DMBT1: variants seen among roughly 807,000 people sequenced by gnomAD.
The protein encoded by DMBT1 is scavenger receptor cysteine-rich domain-containing protein DMBT1.
A neutral mutation model predicts 252.9 loss-of-function variants in DMBT1; 198 were observed. The observed-to-expected ratio is 0.78, with a 90% CI of 0.70 to 0.88. DMBT1 has a LOEUF of 0.88. Ranked by LOEUF, DMBT1 falls within the 40% of genes least tolerant of loss-of-function variation. DMBT1 has a pLI of 0.00. For synonymous variants in DMBT1, 990 were observed against 942.7 expected (o/e 1.05, Z -0.92); for missense variants, 2,432 against 2,404.7 (o/e 1.01, Z -0.24).
At chr10:122,585,442 G>A in intron 15 of DMBT1, 133 bp downstream of exon 15, 2 of 1,219,028 alleles carry the variant, frequency 1.6e-6, no homozygotes, top group South Asian at 1.5e-5. Context: ...ATGGGAGGAA[G>A]GTAGAGTCTC....
chr10:122,630,904 T>C (rs1301433454), intron 48 of DMBT1, 57 bp from the exon 49 acceptor site: 5 of 1,533,752 alleles, frequency 3.3e-6, no homozygotes, highest in Non-Finnish European at 4.4e-6. Flanking sequence ...TTGAGGTTTG[T>C]TGTGGGACAT....
chr10:122,591,935 C>T (rs1017867186), intron 19 of DMBT1, among the ~76,000 whole-genome samples: 1 of 149,116 alleles, frequency 6.7e-6, no homozygotes, highest in Non-Finnish European at 1.5e-5. Context: ...TGGGTGCCAC[C>T]AAACTCTTCG....
chr10:122,585,791 C>T (rs1430668291), intron 15 of DMBT1, among the ~76,000 whole-genome samples: 2 of 148,634 alleles, frequency 1.3e-5, no homozygotes, highest in Non-Finnish European at 1.5e-5. Flanking sequence ...TAGCTCCATC[C>T]TGTGTGTGCC....
chr10:122,618,622 A>T (rs976583528), intron 41 of DMBT1, among the ~76,000 whole-genome samples: 3 of 152,192 alleles, frequency 2.0e-5, no homozygotes, highest in Admixed American at 6.5e-5. Flanking sequence ...CTGGCTCCCC[A>T]CGGCTCCATT....
chr10:122,584,218 C>A, intron 13 of DMBT1, 104 bp from the exon 14 acceptor site: 1 of 279,148 alleles, frequency 3.6e-6, no homozygotes, highest in Non-Finnish European at 6.1e-6. Context: ...GTGATGGGGA[C>A]CTAGGGTGGA....
intron 52 of DMBT1, among the ~76,000 whole-genome samples, chr10:122,633,899 C>T (rs559617573): frequency 5.3e-5 from 8 of 152,156 alleles, no homozygotes; most frequent in African/African-American, 1.4e-4. Flanking sequence ...TTTGGGAGGC[C>T]GAGGCAGGAG....
intron 46 of DMBT1, among the ~76,000 whole-genome samples, chr10:122,629,309 C>T (rs1203170325): frequency 1.3e-5 from 2 of 152,176 alleles, no homozygotes; most frequent in Non-Finnish European, 2.9e-5. Flanking sequence ...GTAACTGGCT[C>T]CAGATCATGG....
At chr10:122,634,970 G>T (rs897117603) in intron 52 of DMBT1, among the ~76,000 whole-genome samples, 2 of 152,188 alleles carry the variant, frequency 1.3e-5, no homozygotes, top group African/African-American at 4.8e-5. Context: ...GTGGGCTTTG[G>T]AGTCTCTGCT....
intron 54 of DMBT1, 73 bp from the exon 55 acceptor site, chr10:122,639,967 A>G: frequency 6.5e-7 from 1 of 1,532,568 alleles, no homozygotes; most frequent in Non-Finnish European, 8.8e-7. Flanking sequence ...TCTCATTCAC[A>G]CCCAAATCAG....
chr10:122,573,435 A>G (rs908719169), intron 5 of DMBT1, among the ~76,000 whole-genome samples: 5 of 152,212 alleles, frequency 3.3e-5, no homozygotes, highest in Admixed American at 2.0e-4. Flanking sequence ...TGTGACTAGC[A>G]TGGGGTTGTG....
Position 122,599,029 on chromosome 10 carries a change from G to A in DMBT1, c.3212G>A (p.Ser1071Asn), listed in dbSNP as rs1278246255. The A allele has an allele frequency of 1.2e-6, 2 of 1,613,804 alleles. No homozygotes were observed. The highest frequency in any genetic ancestry group is 1.7e-6 in the Non-Finnish European group (2 of 1,179,736). The stretch of plus-strand genomic sequence containing the variant: ...TCAGGACACGAGTCTTACCTGTGGA[G>A]CTGCCCCCACAATGGCTGGCTCTCC... ...RCSGHESYLW[S>N]CPHNGWLSHN... The change falls in exon 26 of 56, where the codon AGC (serine) becomes AAC (asparagine). Residue 1071 changes from serine (S) to asparagine (N), a missense_variant. By Grantham distance (46) the Ser-to-Asn change is conservative (BLOSUM62 1). Transcript: ENST00000338354.
Position 122,572,194 on chromosome 10 carries a change from A to G in DMBT1, c.188-120A>G, listed in dbSNP as rs2097670262. On this transcript the variant is annotated intron_variant, in intron 4 of 55. Coordinates refer to ENST00000338354, the MANE Select transcript of DMBT1 (RefSeq NM_001377530.1). ...ATTGGCACATGGTTGGCTTTTAGCA[A>G]TGGAGGTTGCCTTTAGGACCTGTGT... The G allele has an allele frequency of 1.0e-5, 14 of 1,389,072 alleles. No individual in the cohort carries two copies. The South Asian group carries it at 1.5e-4, about 15-fold the overall frequency. The allele number at this position is 1,389,072 out of a possible 1,614,324, so 86.0% of individuals were successfully genotyped here.
rs201286017 is a variant in DMBT1, at chr10:122,631,887, C to T, written c.6367+12C>T. The T allele has an allele frequency of 5.6e-5, 91 of 1,613,652 alleles. No individual in the cohort carries two copies. The East Asian group carries it at 1.3e-3, about 23-fold the overall frequency. ...TCTATCGACACCTGGTAAGTCCCTC[C>T]GATTTCCATTCCACTTCCCTGGTCT... is the stretch of plus-strand genomic sequence containing the variant. On this transcript the variant is annotated intron_variant, in intron 50 of 55. Coordinates refer to ENST00000338354, the MANE Select transcript of DMBT1 (RefSeq NM_001377530.1).
At chr10:122,580,512 G>T (rs1461961214) in intron 10 of DMBT1, among the ~76,000 whole-genome samples, 1 of 152,222 alleles carries the variant, frequency 6.6e-6, no homozygotes, top group African/African-American at 2.4e-5. Context: ...CCTTGTCATT[G>T]CCTGTGATTG....
At chr10:122,579,508 G>A in intron 9 of DMBT1, 70 bp from the exon 10 acceptor site, 1 of 1,608,130 alleles carries the variant, frequency 6.2e-7, no homozygotes, top group Non-Finnish European at 8.5e-7. Context: ...AGTACCCTGA[G>A]TGTGGAACTT....
At chr10:122,638,310 C>CCCA in intron 54 of DMBT1, among the ~76,000 whole-genome samples, 1 of 152,334 alleles carries the variant, frequency 6.6e-6, no homozygotes, top group Admixed American at 6.5e-5. Context: ...CCCATTCACA[C>CCCA]TCGTTCACAC....
chr10:122,641,684 G>A (rs796774550), intron 55 of DMBT1, among the ~76,000 whole-genome samples: 4 of 152,232 alleles, frequency 2.6e-5, no homozygotes, highest in African/African-American at 9.6e-5. Context: ...AAAATGAGTG[G>A]GTGACCTTAG....
At position 122,580,868 on chromosome 10, in the gene DMBT1, C is replaced by G; in HGVS notation, c.1006C>G (p.Pro336Ala). The G allele has an allele frequency of 6.2e-7, 1 of 1,613,730 alleles. No homozygotes were observed. Among genetic ancestry groups the G allele is most frequent in the South Asian group, 1.1e-5 (1 of 91,040 alleles). The change falls in exon 11 of 56, where the codon CCC becomes GCC. Residue 336 changes from proline to alanine, a missense_variant and splice_region_variant. Physicochemically the swap from Pro to Ala is conservative, Grantham distance 27. This residue lies in a region of DMBT1 where 1,264 missense variants were observed against 1,082.2 expected (regional missense o/e 1.17). Coordinates refer to ENST00000338354, the MANE Select transcript of DMBT1 (RefSeq NM_001377530.1). ...SEDAGVICSA[P>A]QSRPTPSPDT... ...ACCTTCTCTTCTCTTTCTCACAGCT[C>G]CCCAGTCCCGGCCGACACCCAGCCC...
In DMBT1 at chr10:122,643,338, C is replaced by A. The variant is rs201579246; in HGVS notation, c.7569C>A (p.Asp2523Glu). Residue 2523 changes from aspartate (D) to glutamate (E), a missense_variant, in exon 56 of 56, where the codon GAC becomes GAA. Coordinates refer to ENST00000338354, the MANE Select transcript of DMBT1 (RefSeq NM_001377530.1). ...TGGGCTCCTACCAGGAAAAGGTGGA[C>A]GTCGTCCTGGGTCCCATCCAGCTGC... ...RDVGSYQEKV[D>E]VVLGPIQLQT... 3 of 1,613,988 alleles carry A rather than the reference C, an allele frequency of 1.9e-6. No homozygotes were observed. Among genetic ancestry groups the A allele is most frequent in the Non-Finnish European group, 8.5e-7 (1 of 1,179,900 alleles).
Sources: allele counts gnomAD v4.1 joint callset (sites outside exome capture counted in the v4.1 genomes callset), GRCh38; gene constraint gnomAD v4.1.1; regional missense constraint gnomAD v4.1.1; transcripts MANE v1.5; gene names NCBI Gene and HGNC (gene_info 2026-07-23, HGNC 2026-07-21).